TBXAS1: variants seen among roughly 807,000 people sequenced by gnomAD.
TBXAS1 encodes the protein thromboxane A synthase 1.
TBXAS1 carries 48 observed loss-of-function variants against 60.7 expected under a neutral mutation model. That is an observed-to-expected ratio of 0.79 (90% CI 0.63 to 1.01). The LOEUF (loss-of-function observed/expected upper bound fraction) is 1.01, where lower values mean the gene tolerates loss of function less well. Among genes scored for constraint, TBXAS1 ranks in the 50% least tolerant of loss-of-function variants. TBXAS1 has a pLI of 0.00. For synonymous variants in TBXAS1, 287 were observed against 269.7 expected (o/e 1.06, Z -0.63); for missense variants, 685 against 686.3 (o/e 1.00, Z 0.02).
At chr7:139,928,592 C>A (rs1176097091) in intron 4 of TBXAS1, among the ~76,000 whole-genome samples, 1 of 152,118 alleles carries the variant, frequency 6.6e-6, no homozygotes, top group Non-Finnish European at 1.5e-5. Context: ...ATGTTCGATT[C>A]GACTGGGATA....
At chr7:139,793,878 C>G (rs1797468360) in intron 4 of TBXAS1, among the ~76,000 whole-genome samples, 1 of 152,196 alleles carries the variant, frequency 6.6e-6, no homozygotes, top group Non-Finnish European at 1.5e-5. Flanking sequence ...CTTCTTACCT[C>G]TCTCTCCTGT....
chr7:139,959,007 T>TCACACACACACACACACACACA (rs8192836), intron 8 of TBXAS1, among the ~76,000 whole-genome samples: 1 of 149,740 alleles, frequency 6.7e-6, no homozygotes, highest in Non-Finnish European at 1.5e-5. Flanking sequence ...TTGAGAGTGT[T>TCACACACACACACACACACACA]CACACACACA....
At chr7:139,925,302 T>C (rs994295638) in intron 4 of TBXAS1, among the ~76,000 whole-genome samples, 2 of 152,240 alleles carry the variant, frequency 1.3e-5, no homozygotes, top group Non-Finnish European at 2.9e-5. Context: ...TCCATTTTTT[T>C]TGTATCTTCA....
At chr7:139,779,379 C>T (rs1796903311) in intron 1 of TBXAS1, among the ~76,000 whole-genome samples, 1 of 152,156 alleles carries the variant, frequency 6.6e-6, no homozygotes, top group Admixed American at 6.5e-5. Flanking sequence ...ATAATCAATG[C>T]TACACTTCCT....
At chr7:139,801,739 T>C (rs1569491883) in intron 4 of TBXAS1, among the ~76,000 whole-genome samples, 1 of 152,184 alleles carries the variant, frequency 6.6e-6, no homozygotes, top group South Asian at 2.1e-4. Context: ...CTGTGGTTGC[T>C]AAGTTTATTT....
intron 3 of TBXAS1, among the ~76,000 whole-genome samples, chr7:139,895,831 A>G (rs1804047150): frequency 6.6e-6 from 1 of 152,196 alleles, no homozygotes; most frequent in African/African-American, 2.4e-5. Flanking sequence ...CCAGCCACAA[A>G]GGCAGGCCCA....
At chr7:139,979,924 G>A (rs1007235209) in intron 9 of TBXAS1, among the ~76,000 whole-genome samples, 14 of 151,292 alleles carry the variant, frequency 9.3e-5, no homozygotes, top group Admixed American at 2.6e-4. Context: ...GTAACATTGG[G>A]TTTTGCTTTT....
chr7:139,786,092 C>T (rs1246124766), intron 3 of TBXAS1, among the ~76,000 whole-genome samples: 2 of 148,356 alleles, frequency 1.3e-5, no homozygotes, highest in Non-Finnish European at 3.0e-5. Context: ...TTTAATGTCT[C>T]GCCTTTCCCT....
rs114192766 is a variant in TBXAS1, at chr7:140,010,846, T to C, written c.1226+3664T>C. Among the ~76,000 whole-genome samples the C allele has an allele frequency of 5.8e-3, 880 of 152,284 alleles. 17 individuals are homozygous for C. The highest frequency in any genetic ancestry group is 0.02 in the African/African-American group (829 of 41,544). ...GGCATAACAGTAATTACTGTAATCA[T>C]TGCATTTCCTTTAGGATATTTAGGG... On this transcript the variant is annotated intron_variant, in intron 10 of 12. Transcript: ENST00000448866.
rs372576422 is a variant in TBXAS1 at position 140,007,076 on chromosome 7, C to A, written c.1135-15C>A. On this transcript the variant is annotated splice_polypyrimidine_tract_variant and intron_variant, in intron 9 of 12. Coordinates refer to ENST00000448866, the MANE Select transcript of TBXAS1 (RefSeq NM_001061.7). ...CTAACACGAACTTCTCCCTTTGTCACGACCCCTCCATCAGATGGCCCCTGA... is the reference window on the plus strand; with the variant it reads ...CTAACACGAACTTCTCCCTTTGTCAAGACCCCTCCATCAGATGGCCCCTGA... The A allele has an allele frequency of 1.9e-6, 3 of 1,611,594 alleles. No individual in the cohort carries two copies. Among genetic ancestry groups the A allele is most frequent in the African/African-American group, 1.3e-5 (1 of 74,878 alleles).
chr7:139,978,421 A>C (rs1028810227), intron 9 of TBXAS1, among the ~76,000 whole-genome samples: 2 of 151,264 alleles, frequency 1.3e-5, no homozygotes, highest in African/African-American at 2.4e-5. Context: ...GAGGCAGGAG[A>C]ATTGCTTGAA....
chr7:139,936,405 G>A, intron 5 of TBXAS1, 98 bp downstream of exon 5: 1 of 1,219,052 alleles, frequency 8.2e-7, no homozygotes. Context: ...ACTTGCCCAG[G>A]TGACACATCA....
chr7:139,846,066 T>A (rs1799783681), intron 1 of TBXAS1, among the ~76,000 whole-genome samples: 1 of 152,090 alleles, frequency 6.6e-6, no homozygotes, highest in Non-Finnish European at 1.5e-5. Context: ...AATAAAATAT[T>A]TTTTTCTTTA....
At chr7:139,864,319 T>C (rs1450928172) in intron 1 of TBXAS1, among the ~76,000 whole-genome samples, 2 of 151,378 alleles carry the variant, frequency 1.3e-5, no homozygotes, top group Non-Finnish European at 2.9e-5. Flanking sequence ...AAAGATACTC[T>C]TCTCTGCACA....
chr7:139,950,295 G>A (rs7788414), intron 5 of TBXAS1, among the ~76,000 whole-genome samples: 71,748 of 151,766 alleles, frequency 0.47, 18,633 homozygotes, highest in East Asian at 0.69. Flanking sequence ...CTTGGCCTCC[G>A]AAAGTGCTGG....
At chr7:139,866,542 C>T (rs58599151) in intron 1 of TBXAS1, among the ~76,000 whole-genome samples, 36,768 of 150,228 alleles carry the variant, frequency 0.24, 4,831 homozygotes, top group South Asian at 0.47. Flanking sequence ...TCGCTTGAGC[C>T]CAGGAGTTTG....
chr7:139,867,069 A>G (rs1198554692), intron 1 of TBXAS1, among the ~76,000 whole-genome samples: 2 of 152,232 alleles, frequency 1.3e-5, no homozygotes, highest in African/African-American at 4.8e-5. Flanking sequence ...TTGCTGGCAA[A>G]GCCCATGAGG....
chr7:139,957,507 C>A, intron 7 of TBXAS1, 127 bp from the exon 8 acceptor site: 3 of 1,201,080 alleles, frequency 2.5e-6, no homozygotes, highest in East Asian at 2.4e-5. Context: ...AGCAGTGCGG[C>A]GGGGAGGGCA....
intron 5 of TBXAS1, among the ~76,000 whole-genome samples, chr7:139,944,038 T>C (rs1383285213): frequency 6.6e-6 from 1 of 152,106 alleles, no homozygotes; most frequent in Admixed American, 6.5e-5. Flanking sequence ...GGTCAACAAA[T>C]ATTTATTAAT....
Sources: allele counts gnomAD v4.1 joint callset (sites outside exome capture counted in the v4.1 genomes callset), GRCh38; gene constraint gnomAD v4.1.1; transcripts MANE v1.5; gene names NCBI Gene and HGNC (gene_info 2026-07-23, HGNC 2026-07-21).